SNTB1: variants seen among roughly 807,000 people sequenced by gnomAD.
The protein encoded by SNTB1 is beta-1-syntrophin.
SNTB1 carries 36 observed loss-of-function variants against 48.9 expected under a neutral mutation model. That is an observed-to-expected ratio of 0.74 (90% CI 0.56 to 0.97). The LOEUF (loss-of-function observed/expected upper bound fraction) is 0.97, where lower values mean the gene tolerates loss of function less well. SNTB1 is among the 50% of genes least tolerant of loss of function. The pLI is 0.00. For missense variants in SNTB1, 786 were observed against 703.4 expected (o/e 1.12, Z -1.33); for synonymous variants, 299 against 294.6 (o/e 1.01, Z -0.15).
intron 1 of SNTB1, among the ~76,000 whole-genome samples, chr8:120,697,356 G>T (rs1220662737): frequency 6.6e-6 from 1 of 152,172 alleles, no homozygotes; most frequent in Non-Finnish European, 1.5e-5. Context: ...TAAGGTAGGT[G>T]TGATAATTTT....
intron 1 of SNTB1, among the ~76,000 whole-genome samples, chr8:120,733,992 T>C (rs1003589431): frequency 6.6e-6 from 1 of 152,322 alleles, no homozygotes; most frequent in East Asian, 1.9e-4. Context: ...TTAAGGCTTA[T>C]GGTGAGGAAT....
chr8:120,666,998 A>G (rs1401476613), intron 2 of SNTB1, among the ~76,000 whole-genome samples: 2 of 152,036 alleles, frequency 1.3e-5, no homozygotes, highest in Non-Finnish European at 2.9e-5. Flanking sequence ...TCTAACATCC[A>G]TGTCAGTTCT....
chr8:120,793,843 TAA>T (rs1412263694), intron 1 of SNTB1, among the ~76,000 whole-genome samples: 1 of 152,054 alleles, frequency 6.6e-6, no homozygotes, highest in Non-Finnish European at 1.5e-5. Flanking sequence ...CCAAAATTAT[TAA>T]GAGTTTTTGA....
At chr8:120,613,389 G>T (rs1273729719) in intron 3 of SNTB1, among the ~76,000 whole-genome samples, 1 of 151,740 alleles carries the variant, frequency 6.6e-6, no homozygotes, top group African/African-American at 2.4e-5. Context: ...GTAGATAGTA[G>T]AATGGTAGTT....
At position 120,538,690 on chromosome 8, in the gene SNTB1, G is replaced by A. The variant is rs1460372552; in HGVS notation, c.*187C>T. 7 of 665,910 alleles carry A rather than the reference G, an allele frequency of 1.1e-5. No individual in the cohort carries two copies. The highest frequency in any genetic ancestry group is 2.9e-5 in the East Asian group (1 of 34,012). The allele number at this position is 665,910 out of a possible 1,614,324, so 41.3% of individuals were successfully genotyped here. ...CTCTGATATTTCTCATGGTACTTTC[G>A]CAGGGTATCCCTTGTAGTTGCTGAA... On this transcript the variant is annotated 3_prime_UTR_variant, in exon 7 of 7. Transcript: ENST00000517992.
At chr8:120,619,633 T>C (rs1816763478) in intron 3 of SNTB1, among the ~76,000 whole-genome samples, 1 of 152,250 alleles carries the variant, frequency 6.6e-6, no homozygotes, top group Admixed American at 6.5e-5. Flanking sequence ...TTTGATTCTT[T>C]ATTAAGTTCA....
chr8:120,709,897 T>C (rs1367865995), intron 1 of SNTB1, among the ~76,000 whole-genome samples: 3 of 151,848 alleles, frequency 2.0e-5, no homozygotes, highest in African/African-American at 7.3e-5. Flanking sequence ...ATGATATATG[T>C]AAAGTGTCTG....
chr8:120,718,861 A>G (rs1331019926), intron 1 of SNTB1, among the ~76,000 whole-genome samples: 1 of 152,212 alleles, frequency 6.6e-6, no homozygotes, highest in African/African-American at 2.4e-5. Context: ...AAGAGTGTCA[A>G]TTCTACACAC....
intron 2 of SNTB1, among the ~76,000 whole-genome samples, chr8:120,680,779 A>G (rs1041197018): frequency 2.0e-5 from 3 of 152,212 alleles, no homozygotes; most frequent in Admixed American, 2.0e-4. Flanking sequence ...AGAACAAAGG[A>G]TCAAGACCTA....
intron 1 of SNTB1, among the ~76,000 whole-genome samples, chr8:120,787,525 A>G (rs1208063239): frequency 3.3e-5 from 5 of 152,126 alleles, no homozygotes; most frequent in Non-Finnish European, 5.9e-5. Context: ...AAAGAGGTAC[A>G]TATTTTAAAG....
intron 3 of SNTB1, among the ~76,000 whole-genome samples, chr8:120,593,468 C>G (rs1281619013): frequency 6.6e-6 from 1 of 152,146 alleles, no homozygotes; most frequent in Non-Finnish European, 1.5e-5. Context: ...AGGAACTGGA[C>G]AGTGAATAAG....
chr8:120,560,590 CTAT>C (rs1483776859), intron 4 of SNTB1, among the ~76,000 whole-genome samples: 2 of 152,164 alleles, frequency 1.3e-5, no homozygotes, highest in South Asian at 2.1e-4. Context: ...GGGATATTGA[CTAT>C]AAGAAACGAA....
chr8:120,664,392 A>G (rs1282827119), intron 2 of SNTB1, among the ~76,000 whole-genome samples: 1 of 152,206 alleles, frequency 6.6e-6, no homozygotes, highest in Non-Finnish European at 1.5e-5. Flanking sequence ...GGCATAATTG[A>G]TATGCAATAA....
chr8:120,742,625 C>A (rs1563586905), intron 1 of SNTB1, among the ~76,000 whole-genome samples: 2 of 152,164 alleles, frequency 1.3e-5, no homozygotes, highest in South Asian at 2.1e-4. Context: ...GTCATATGGG[C>A]AGTGTTTCAT....
intron 2 of SNTB1, among the ~76,000 whole-genome samples, chr8:120,658,207 G>A (rs988598075): frequency 3.3e-5 from 5 of 152,164 alleles, no homozygotes; most frequent in African/African-American, 1.2e-4. Flanking sequence ...AGTAAATCAA[G>A]CTATTAGTAT....
At chr8:120,638,867 G>A (rs997898928) in intron 2 of SNTB1, among the ~76,000 whole-genome samples, 13 of 152,280 alleles carry the variant, frequency 8.5e-5, no homozygotes, top group Admixed American at 5.2e-4. Context: ...ATAAACATAC[G>A]TGTACATGTA....
intron 1 of SNTB1, among the ~76,000 whole-genome samples, chr8:120,710,495 T>C (rs894790369): frequency 6.6e-6 from 1 of 152,210 alleles, no homozygotes; most frequent in Admixed American, 6.5e-5. Context: ...GTGGTTAGAA[T>C]GCGTCCCCTC....
chr8:120,649,866 G>A (rs560904044), intron 2 of SNTB1, among the ~76,000 whole-genome samples: 10 of 152,126 alleles, frequency 6.6e-5, no homozygotes, highest in South Asian at 2.1e-4. Context: ...ATATAATCTC[G>A]TGGTGTGCCA....
intron 5 of SNTB1, among the ~76,000 whole-genome samples, chr8:120,542,978 C>A (rs984545110): frequency 6.6e-6 from 1 of 152,098 alleles, no homozygotes; most frequent in Admixed American, 6.6e-5. Context: ...ATGAGGAGCA[C>A]CCTGAGTGCG....
Sources: allele counts gnomAD v4.1 joint callset (sites outside exome capture counted in the v4.1 genomes callset), GRCh38; gene constraint gnomAD v4.1.1; transcripts MANE v1.5; gene names NCBI Gene and HGNC (gene_info 2026-07-23, HGNC 2026-07-21).